SLC24A2: variants seen among roughly 807,000 people sequenced by gnomAD.
SLC24A2 encodes the protein solute carrier family 24 member 2.
Under a neutral mutation model 62.0 loss-of-function variants are expected in SLC24A2, and 36 were observed. The ratio of observed to expected loss-of-function variants is 0.58; its 90% CI spans 0.44 to 0.77. The LOEUF (loss-of-function observed/expected upper bound fraction) is 0.77. Ranked by LOEUF, SLC24A2 falls within the 30% of genes least tolerant of loss-of-function variation. The probability of loss-of-function intolerance (pLI) is 0.00; values close to 1 mark genes in which losing one functional copy is unlikely to be tolerated. For synonymous variants in SLC24A2, 358 were observed against 294.0 expected (o/e 1.22, Z -2.23); for missense variants, 846 against 817.9 (o/e 1.03, Z -0.42).
chr9:20,033,266 C>G, the SLC24A2 span, among the ~76,000 whole-genome samples: 1 of 152,128 alleles, frequency 6.6e-6, no homozygotes, highest in Admixed American at 6.5e-5. Flanking sequence ...GACCTGGGTC[C>G]AAATTCAAGC....
the SLC24A2 span, among the ~76,000 whole-genome samples, chr9:20,193,714 A>G: frequency 6.6e-6 from 1 of 152,126 alleles, no homozygotes. Context: ...AGACATACAA[A>G]AAATAACTGA....
At chr9:20,153,269 G>T in the SLC24A2 span, among the ~76,000 whole-genome samples, 1 of 151,558 alleles carries the variant, frequency 6.6e-6, no homozygotes, top group African/African-American at 2.4e-5. Context: ...AATCTAAAAA[G>T]AGCAAACTCT....
At chr9:19,794,596 TAAAAA>T in the SLC24A2 span, among the ~76,000 whole-genome samples, 1 of 143,978 alleles carries the variant, frequency 6.9e-6, no homozygotes, top group African/African-American at 2.6e-5. Context: ...GTTGGAAAGT[TAAAAA>T]AAAAAAAAGC....
chr9:20,270,580 A>G, the SLC24A2 span, among the ~76,000 whole-genome samples: 1 of 152,156 alleles, frequency 6.6e-6, no homozygotes, highest in Non-Finnish European at 1.5e-5. Flanking sequence ...GTATTTCCCT[A>G]AAATAAAGTG....
At chr9:19,668,861 T>A (rs912442472) in intron 2 of SLC24A2, among the ~76,000 whole-genome samples, 1 of 152,222 alleles carries the variant, frequency 6.6e-6, no homozygotes, top group Non-Finnish European at 1.5e-5. Flanking sequence ...TTTTTCATTT[T>A]TCTGTGACCA....
intron 2 of SLC24A2, among the ~76,000 whole-genome samples, chr9:19,778,401 G>T (rs1015669275): frequency 6.6e-6 from 1 of 151,968 alleles, no homozygotes; most frequent in African/African-American, 2.4e-5. Context: ...GGAGTTCAGA[G>T]AACTTCTCTA....
chr9:19,660,287 G>A (rs1489685973), intron 2 of SLC24A2, among the ~76,000 whole-genome samples: 1 of 152,178 alleles, frequency 6.6e-6, no homozygotes, highest in Non-Finnish European at 1.5e-5. Context: ...AGGTATGGGT[G>A]AAGGGGCGGG....
chr9:20,248,867 A>G, the SLC24A2 span, among the ~76,000 whole-genome samples: 2 of 152,200 alleles, frequency 1.3e-5, no homozygotes, highest in Non-Finnish European at 2.9e-5. Flanking sequence ...CTTAAGGACA[A>G]TAAGAGAGTC....
Position 19,702,464 on chromosome 9 carries a change from C to T in SLC24A2, c.931-80165G>A, listed in dbSNP as rs149939107. Among the ~76,000 whole-genome samples the T allele has an allele frequency of 1.5e-3, 231 of 152,262 alleles. 1 individual carries two copies. The highest frequency in any genetic ancestry group is 5.3e-3 in the African/African-American group (220 of 41,558). ...TTTGGGGTTCTGCAAGATTTAACAA[C>T]CCATGGTGACTTGTCGCATAACAGA... On this transcript the variant is annotated intron_variant, in intron 2 of 10. Coordinates refer to ENST00000341998, the MANE Select transcript of SLC24A2 (RefSeq NM_020344.4).
chr9:19,832,331 T>A, the SLC24A2 span, among the ~76,000 whole-genome samples: 46 of 152,330 alleles, frequency 3.0e-4, no homozygotes, highest in African/African-American at 1.1e-3. Context: ...AATGTTATAG[T>A]TCTATATACA....
chr9:19,818,447 G>A, the SLC24A2 span, among the ~76,000 whole-genome samples: 9 of 152,010 alleles, frequency 5.9e-5, no homozygotes, highest in East Asian at 1.9e-4. Context: ...CGTTTACCCC[G>A]AAAACCCTAA....
At chr9:20,176,285 T>C in the SLC24A2 span, among the ~76,000 whole-genome samples, 1 of 152,078 alleles carries the variant, frequency 6.6e-6, no homozygotes, top group Non-Finnish European at 1.5e-5. Flanking sequence ...TCTGATTTAC[T>C]TCATTTTACT....
intron 5 of SLC24A2, among the ~76,000 whole-genome samples, chr9:19,588,229 T>G (rs1473653551): frequency 6.6e-6 from 1 of 151,082 alleles, no homozygotes; most frequent in Non-Finnish European, 1.5e-5. Context: ...GAACATCTAT[T>G]CAAGTGCCCA....
chr9:19,693,856 G>C (rs995061451), intron 2 of SLC24A2, among the ~76,000 whole-genome samples: 2 of 150,350 alleles, frequency 1.3e-5, no homozygotes, highest in Non-Finnish European at 3.0e-5. Flanking sequence ...CTTTTTACCT[G>C]TCTTTGTTCA....
the SLC24A2 span, among the ~76,000 whole-genome samples, chr9:20,258,882 A>G: frequency 6.6e-6 from 1 of 151,416 alleles, no homozygotes; most frequent in African/African-American, 2.4e-5. Context: ...CCATCCATCC[A>G]TCCATCCATC....
chr9:19,737,364 T>C (rs1404819541), intron 2 of SLC24A2, among the ~76,000 whole-genome samples: 1 of 152,224 alleles, frequency 6.6e-6, no homozygotes, highest in Non-Finnish European at 1.5e-5. Context: ...CAAAGATTAT[T>C]ATATTTAATT....
chr9:20,294,135 C>A, the SLC24A2 span, among the ~76,000 whole-genome samples: 6 of 152,120 alleles, frequency 3.9e-5, no homozygotes, highest in African/African-American at 1.4e-4. Flanking sequence ...CCTGGAATGG[C>A]ACATCAGCAG....
At chr9:20,132,031 A>G in the SLC24A2 span, among the ~76,000 whole-genome samples, 1 of 152,110 alleles carries the variant, frequency 6.6e-6, no homozygotes, top group Non-Finnish European at 1.5e-5. Flanking sequence ...GTTTTCTAGT[A>G]TCCATACTAT....
At chr9:19,605,181 A>AC (rs1262970374) in intron 4 of SLC24A2, among the ~76,000 whole-genome samples, 1 of 152,166 alleles carries the variant, frequency 6.6e-6, no homozygotes, top group Non-Finnish European at 1.5e-5. Flanking sequence ...TTATCTTTTG[A>AC]CCCCCAAGTG....
Sources: allele counts gnomAD v4.1 joint callset (sites outside exome capture counted in the v4.1 genomes callset), GRCh38; gene constraint gnomAD v4.1.1; transcripts MANE v1.5; gene names NCBI Gene and HGNC (gene_info 2026-07-23, HGNC 2026-07-21).